The following STXBP4 variants were observed in gnomAD, a reference collection of about 807,000 sequenced individuals.
STXBP4 encodes the protein syntaxin-binding protein 4.
In STXBP4, 55 loss-of-function variants were observed where a neutral mutation model predicts 76.1. The ratio of observed to expected loss-of-function variants is 0.72; its 90% CI spans 0.58 to 0.91. STXBP4 has a LOEUF of 0.91. Among genes scored for constraint, STXBP4 ranks in the 40% least tolerant of loss-of-function variants. STXBP4 has a pLI of 0.00. For missense variants in STXBP4, 618 were observed against 636.9 expected (o/e 0.97, Z 0.32); for synonymous variants, 201 against 220.2 (o/e 0.91, Z 0.77).
At chr17:55,183,051 A>T in the STXBP4 span, among the ~76,000 whole-genome samples, 9 of 152,228 alleles carry the variant, frequency 5.9e-5, no homozygotes, top group African/African-American at 1.9e-4. Context: ...AAAAAGCAAT[A>T]ATGATTACAT....
chr17:55,201,073 C>T, the STXBP4 span, among the ~76,000 whole-genome samples: 1 of 152,128 alleles, frequency 6.6e-6, no homozygotes, highest in Non-Finnish European at 1.5e-5. Flanking sequence ...AAATTATGTT[C>T]CATTCACTGT....
intron 16 of STXBP4, among the ~76,000 whole-genome samples, chr17:55,084,778 G>A (rs1347493289): frequency 6.6e-6 from 1 of 152,148 alleles, no homozygotes. Context: ...GTTTGTCAAA[G>A]ATCAGATAGT....
chr17:55,073,135 C>T, intron 13 of STXBP4, 59 bp downstream of exon 13: 1 of 1,526,636 alleles, frequency 6.6e-7, no homozygotes, highest in Non-Finnish European at 9.0e-7. Flanking sequence ...GTCATGTATC[C>T]TGTTTTCATT....
chr17:55,186,024 G>A, the STXBP4 span, among the ~76,000 whole-genome samples: 3,046 of 152,198 alleles, frequency 0.02, 80 homozygotes, highest in East Asian at 0.15. Flanking sequence ...TGCATAACAG[G>A]GTGTTAGATC....
At chr17:54,969,302 C>A (rs990830910) in intron 1 of STXBP4, among the ~76,000 whole-genome samples, 1 of 152,188 alleles carries the variant, frequency 6.6e-6, no homozygotes, top group African/African-American at 2.4e-5. Flanking sequence ...CTGAAAGAAA[C>A]GAACCCCGTG....
At chr17:55,009,996 A>G (rs1003085079) in intron 8 of STXBP4, among the ~76,000 whole-genome samples, 2 of 152,014 alleles carry the variant, frequency 1.3e-5, no homozygotes, top group African/African-American at 4.8e-5. Context: ...ACGTTTTAAC[A>G]CATTCCTATT....
intron 8 of STXBP4, among the ~76,000 whole-genome samples, chr17:55,018,233 C>G (rs537009074): frequency 6.6e-6 from 1 of 152,158 alleles, no homozygotes; most frequent in African/African-American, 2.4e-5. Flanking sequence ...GGCGCTTAGC[C>G]GTGCAGGAAC....
rs371353641 is a variant in STXBP4 at position 54,999,471 on chromosome 17, G to T, written c.287+20G>T. ...GTTGAGGTAACTATACTATCCATGAGATAGAATGAGTCATTTAGAATGTCT... is the reference window on the plus strand; with the variant it reads ...GTTGAGGTAACTATACTATCCATGATATAGAATGAGTCATTTAGAATGTCT... On this transcript the variant is annotated intron_variant, in intron 5 of 17. Coordinates refer to ENST00000376352, the MANE Select transcript of STXBP4 (RefSeq NM_178509.6). 21 of 1,578,996 alleles carry T rather than the reference G, an allele frequency of 1.3e-5. No homozygotes were observed. Among genetic ancestry groups the T allele is most frequent in the African/African-American group, 2.7e-5 (2 of 73,554 alleles).
chr17:55,023,618 G>T (rs182545677), intron 8 of STXBP4, among the ~76,000 whole-genome samples: 2 of 152,034 alleles, frequency 1.3e-5, no homozygotes, highest in East Asian at 1.9e-4. Context: ...GATTAGAGAT[G>T]CTAAACCTGT....
At chr17:55,080,409 G>A (rs769469981) in intron 15 of STXBP4, among the ~76,000 whole-genome samples, 12 of 151,960 alleles carry the variant, frequency 7.9e-5, no homozygotes, top group Non-Finnish European at 1.5e-4. Flanking sequence ...TTAGGAAGAT[G>A]GAGTATAAAT....
chr17:55,018,846 C>T (rs182774595), intron 8 of STXBP4, among the ~76,000 whole-genome samples: 101 of 152,316 alleles, frequency 6.6e-4, no homozygotes, highest in Middle Eastern at 3.4e-3. Flanking sequence ...GGTGGAATGT[C>T]ATCAGTTAAG....
chr17:55,184,092 T>A, the STXBP4 span, among the ~76,000 whole-genome samples: 4 of 152,180 alleles, frequency 2.6e-5, no homozygotes, highest in African/African-American at 9.7e-5. Flanking sequence ...CATAACACAA[T>A]TCTCAACCAA....
chr17:55,160,100 T>C lies in STXBP4; in HGVS notation c.*189T>C, dbSNP rs1414760270. ...TTCTGTATACATTTAAAAAATCAAT[T>C]GCCACTACAGTAGTTCCTTAAGAAT... On this transcript the variant is annotated 3_prime_UTR_variant, in exon 18 of 18. Coordinates refer to ENST00000376352, the MANE Select transcript of STXBP4 (RefSeq NM_178509.6). 2 of 457,834 alleles carry C rather than the reference T, an allele frequency of 4.4e-6. No individual in the cohort carries two copies. Among genetic ancestry groups the C allele is most frequent in the Non-Finnish European group, 7.7e-6 (2 of 259,248 alleles). The allele number at this position is 457,834 out of a possible 1,614,324, so 28.4% of individuals were successfully genotyped here.
intron 17 of STXBP4, among the ~76,000 whole-genome samples, chr17:55,143,673 G>C (rs1248274758): frequency 6.6e-6 from 1 of 152,160 alleles, no homozygotes; most frequent in Non-Finnish European, 1.5e-5. Flanking sequence ...CCCTTTGGCT[G>C]CCCTGGGAAC....
In STXBP4 at chr17:55,159,877, A is replaced by T. The variant is rs775583126; in HGVS notation, c.1628A>T (p.Asp543Val). Residue 543 changes from aspartate to valine, a missense_variant, in exon 18 of 18, where the codon GAT becomes GTT. Physicochemically the swap from Asp to Val is radical, Grantham distance 152. Coordinates refer to ENST00000376352, the MANE Select transcript of STXBP4 (RefSeq NM_178509.6). ...TCTCGCTCAGAGGAGAATGAAGAGG[A>T]TTGCTCTAGAGAACTCCCCAACCAG... ...NLSRSEENEE[D>V]CSRELPNQKS 1.9e-6 allele frequency: 3 copies of T among 1,613,882 alleles called. No homozygotes were observed. Among genetic ancestry groups the T allele is most frequent in the South Asian group, 2.2e-5 (2 of 91,058 alleles).
At chr17:55,016,205 T>C (rs962163990) in intron 8 of STXBP4, among the ~76,000 whole-genome samples, 4 of 152,136 alleles carry the variant, frequency 2.6e-5, no homozygotes, top group Non-Finnish European at 5.9e-5. Flanking sequence ...TCACCACCCA[T>C]GGACCTCTGT....
intron 13 of STXBP4, among the ~76,000 whole-genome samples, chr17:55,073,470 A>G (rs2079145947): frequency 6.6e-6 from 1 of 152,220 alleles, no homozygotes; most frequent in African/African-American, 2.4e-5. Flanking sequence ...CATTCAAGGA[A>G]GTATTAAAGT....
chr17:55,038,933 C>A (rs1163126996), intron 10 of STXBP4, among the ~76,000 whole-genome samples: 1 of 152,072 alleles, frequency 6.6e-6, no homozygotes, highest in Non-Finnish European at 1.5e-5. Flanking sequence ...TATGATAAAA[C>A]TGAGTAATGT....
In STXBP4 at chr17:55,016,021, G is replaced by A. The variant is rs922356572; in HGVS notation, c.666+8424G>A. On this transcript the variant is annotated intron_variant, in intron 8 of 17. Transcript: ENST00000376352. ...GAAGAATATAAGTCATAGCGTCTGA[G>A]GGTCAAATTGGTCCCAGTTCTCCAG... Among the ~76,000 whole-genome samples the A allele has an allele frequency of 7.2e-4, 105 of 146,634 alleles. 1 individual carries two copies. The highest frequency in any genetic ancestry group is 2.1e-4 in the Non-Finnish European group (14 of 65,928).
Sources: gnomAD v4.1 joint callset for allele counts (sites outside exome capture counted in the v4.1 genomes callset) on GRCh38, gnomAD v4.1.1 for gene constraint, MANE v1.5 for transcripts, NCBI Gene and HGNC (gene_info 2026-07-23, HGNC 2026-07-21) for gene names.